The following SPG11 variants were observed in gnomAD, a reference collection of about 807,000 sequenced individuals.
SPG11 encodes spatacsin.
Under a neutral mutation model 274.0 loss-of-function variants are expected in SPG11, and 222 were observed. The ratio of observed to expected loss-of-function variants is 0.81; its 90% CI spans 0.73 to 0.91. SPG11 has a LOEUF of 0.91. SPG11 is among the 40% of genes least tolerant of loss of function. The pLI, the probability that SPG11 is intolerant of heterozygous loss-of-function variation, is 0.00. For missense variants in SPG11, 3,114 were observed against 2,872.7 expected (o/e 1.08, Z -1.92); for synonymous variants, 1,144 against 1,039.7 (o/e 1.10, Z -1.93).
chr15:44,596,736 A>G (rs2083052528), intron 24 of SPG11, 48 bp downstream of exon 24: 1 of 1,502,244 alleles, frequency 6.7e-7, no homozygotes, highest in Admixed American at 1.8e-5. Flanking sequence ...ATCTTCTAAG[A>G]AGTGTTCCTA....
In SPG11 at chr15:44,585,870, A is replaced by G; in HGVS notation, c.4907-20T>C. The G allele has an allele frequency of 1.2e-6, 2 of 1,609,508 alleles. No homozygotes were observed. The highest frequency in any genetic ancestry group is 1.7e-6 in the Non-Finnish European group (2 of 1,176,074). Reference sequence around the variant, plus strand: ...CTGGACCTGTGCCAAAGAGAAAAGGATATAAACATTTAGTCAATAAAATGC... The same window carrying G: ...CTGGACCTGTGCCAAAGAGAAAAGGGTATAAACATTTAGTCAATAAAATGC... On this transcript the variant is annotated intron_variant, in intron 28 of 39. Coordinates refer to ENST00000261866, the MANE Select transcript of SPG11 (RefSeq NM_025137.4).
intron 28 of SPG11, among the ~76,000 whole-genome samples, chr15:44,586,287 A>C (rs924582106): frequency 6.6e-6 from 1 of 152,160 alleles, no homozygotes; most frequent in Non-Finnish European, 1.5e-5. Context: ...TACCAAAAAA[A>C]ATGGTCCTGC....
chr15:44,612,028 C>T (rs139415959), intron 17 of SPG11, among the ~76,000 whole-genome samples: 4,809 of 152,092 alleles, frequency 0.032, 229 homozygotes, highest in African/African-American at 0.095. Context: ...CCAGGATGGC[C>T]TCGATCTCCT....
chr15:44,658,976 A>G lies in SPG11; in HGVS notation c.667+103T>C, dbSNP rs7165146. The G allele has an allele frequency of 0.57, 598,211 of 1,046,710 alleles. 176,022 individuals are homozygous for G. Among genetic ancestry groups the G allele is most frequent in the African/African-American group, 0.87 (54,952 of 62,966 alleles). The allele number at this position is 1,046,710 out of a possible 1,614,324, so 64.8% of individuals were successfully genotyped here. A position where few individuals can be genotyped will look rare whatever the true frequency, so the allele number is the denominator to read the frequency against. On this transcript the variant is annotated intron_variant, in intron 3 of 39. Coordinates refer to ENST00000261866, the MANE Select transcript of SPG11 (RefSeq NM_025137.4). ...AAAGTTTTACTGAAAAACTAACCAC[A>G]CTTCCTATATCCCAGCTCCCAAAAC...
intron 28 of SPG11, among the ~76,000 whole-genome samples, chr15:44,586,110 G>A (rs1206053474): frequency 6.7e-6 from 1 of 149,228 alleles, no homozygotes; most frequent in African/African-American, 2.5e-5. Flanking sequence ...TCGGCCTCCT[G>A]AGTAGTGGGG....
intron 30 of SPG11, among the ~76,000 whole-genome samples, chr15:44,581,295 C>T (rs1406121629): frequency 1.3e-5 from 2 of 152,276 alleles, no homozygotes; most frequent in Middle Eastern, 3.4e-3. Context: ...CAGCCTTATC[C>T]TCCTGGGCTC....
At chr15:44,636,907 C>A (rs2084272759) in intron 7 of SPG11, among the ~76,000 whole-genome samples, 1 of 79,570 alleles carries the variant, frequency 1.3e-5, no homozygotes. Flanking sequence ...GTGTGGGCAA[C>A]AGAGCAAGAC....
Position 44,633,682 on chromosome 15 carries a change from G to GAA in SPG11, c.1603-47_1603-46dup. ...AAAAATCAGAAAAAAATTACAATAG[G>GAA]AAAAAAAAATCAGGATTCAGATTTT... On this transcript the variant is annotated intron_variant, in intron 7 of 39. Coordinates refer to ENST00000261866, the MANE Select transcript of SPG11 (RefSeq NM_025137.4). 5 of 1,576,692 alleles carry GAA rather than the reference G, an allele frequency of 3.2e-6. No individual in the cohort carries two copies. In the Admixed American group the frequency reaches 5.3e-5, roughly 17 times the overall value.
At chr15:44,581,782 A>G (rs1041490989) in intron 30 of SPG11, among the ~76,000 whole-genome samples, 2 of 152,088 alleles carry the variant, frequency 1.3e-5, no homozygotes, top group African/African-American at 4.8e-5. Context: ...GAATAAAGTG[A>G]CCTAAAATGG....
At chr15:44,608,389 T>G in intron 19 of SPG11, 55 bp downstream of exon 19, 1 of 1,572,728 alleles carries the variant, frequency 6.4e-7, no homozygotes, top group Non-Finnish European at 8.8e-7. Context: ...GAGTGATTTC[T>G]GTTTTCCTGG....
intron 15 of SPG11, among the ~76,000 whole-genome samples, chr15:44,616,137 C>A (rs1341979104): frequency 6.6e-5 from 10 of 152,040 alleles, no homozygotes; most frequent in African/African-American, 2.4e-4. Context: ...TATATTCCTT[C>A]CCAACTGCAT....
intron 4 of SPG11, among the ~76,000 whole-genome samples, chr15:44,655,236 T>C (rs4273010): frequency 0.019 from 2,864 of 152,322 alleles, 35 homozygotes; most frequent in Middle Eastern, 0.051. Flanking sequence ...GAGTCCAGCC[T>C]GGACAACATA....
At chr15:44,603,624 T>G (rs2083248958) in intron 20 of SPG11, among the ~76,000 whole-genome samples, 1 of 152,226 alleles carries the variant, frequency 6.6e-6, no homozygotes, top group East Asian at 1.9e-4. Context: ...AGTCAGAAGA[T>G]ATTTTGATAT....
chr15:44,627,251 T>G (rs2083927056), intron 10 of SPG11, among the ~76,000 whole-genome samples: 1 of 152,134 alleles, frequency 6.6e-6, no homozygotes, highest in Admixed American at 6.5e-5. Context: ...CAATAATCCA[T>G]GTGAAAAGAA....
chr15:44,662,427 T>A (rs971801546), intron 1 of SPG11, among the ~76,000 whole-genome samples: 1 of 152,004 alleles, frequency 6.6e-6, no homozygotes, highest in Non-Finnish European at 1.5e-5. Context: ...TCCCAACACT[T>A]TGGCAGGGAG....
chr15:44,663,347 G>T, intron 1 of SPG11, 44 bp downstream of exon 1: 1 of 1,588,266 alleles, frequency 6.3e-7, no homozygotes, highest in Non-Finnish European at 8.6e-7. Flanking sequence ...GCCGAGCCTA[G>T]GCTCTGGACT....
chr15:44,663,486 C>T lies in SPG11; in HGVS notation c.162G>A (p.Leu54=). The T allele has an allele frequency of 1.3e-6, 2 of 1,593,154 alleles. No homozygotes were observed. The highest frequency in any genetic ancestry group is 1.7e-6 in the Non-Finnish European group (2 of 1,170,612). The change falls in exon 1 of 40, where the codon CTG becomes CTA. Residue 54 remains leucine, a synonymous_variant. Coordinates refer to ENST00000261866, the MANE Select transcript of SPG11 (RefSeq NM_025137.4). ...RAQLRTQPEA[L]GSLTAAGSLQ... ...GGCTGCCCGCAGCCGTCAGGCTCCC[C>T]AGAGCCTCCGGCTGTGTGCGCAGCT...
Position 44,585,817 on chromosome 15 carries a change from T to C in SPG11, c.4940A>G (p.Gln1647Arg), listed in dbSNP as rs1326184542. 6.2e-6 allele frequency: 10 copies of C among 1,613,862 alleles called. No individual in the cohort carries two copies. Among genetic ancestry groups the C allele is most frequent in the Non-Finnish European group, 4.2e-6 (5 of 1,180,000 alleles). Reference sequence around the variant, plus strand: ...GGCTATGGATGTATCCTTCAAAATCTGGCAAAGGATGCAAAGCTTTTTCAC... The same window carrying C: ...GGCTATGGATGTATCCTTCAAAATCCGGCAAAGGATGCAAAGCTTTTTCAC... Reference protein sequence around the residue: ...PDVKKLCILCQILKDTSIAIN... With the variant: ...PDVKKLCILCRILKDTSIAIN... Residue 1647 changes from glutamine (Q) to arginine (R), a missense_variant, in exon 29 of 40, where the codon CAG becomes CGG. Physicochemically the swap from Gln to Arg is conservative, Grantham distance 43. Coordinates refer to ENST00000261866, the MANE Select transcript of SPG11 (RefSeq NM_025137.4).
rs1177534936 is a variant in SPG11 at position 44,651,541 on chromosome 15, C to T, written c.1406G>A (p.Cys469Tyr). Residue 469 changes from cysteine (C) to tyrosine (Y), a missense_variant, in exon 6 of 40, where the codon TGT (cysteine) becomes TAT (tyrosine). Coordinates refer to ENST00000261866, the MANE Select transcript of SPG11 (RefSeq NM_025137.4). ...GMQCFSLGTK[C>Y]IPVDSSGDQQ... ...GTCTCCACTACTGTCTACAGGAATA[C>T]ACTTTGTGCCAAGGGAAAAACACTG... The T allele has an allele frequency of 2.5e-6, 4 of 1,614,068 alleles. No individual in the cohort carries two copies. Among genetic ancestry groups the T allele is most frequent in the African/African-American group, 1.3e-5 (1 of 74,934 alleles).
Sources: gnomAD v4.1 joint callset for allele counts (sites outside exome capture counted in the v4.1 genomes callset) on GRCh38, gnomAD v4.1.1 for gene constraint, MANE v1.5 for transcripts, NCBI Gene and HGNC (gene_info 2026-07-23, HGNC 2026-07-21) for gene names.